SMYD3: variants seen among roughly 807,000 people sequenced by gnomAD.
The protein encoded by SMYD3 is histone-lysine N-methyltransferase SMYD3.
A neutral mutation model predicts 57.7 loss-of-function variants in SMYD3; 36 were observed. That is an observed-to-expected ratio of 0.62 (90% CI 0.48 to 0.82). SMYD3 has a LOEUF of 0.82. Among genes scored for constraint, SMYD3 ranks in the 40% least tolerant of loss-of-function variants. SMYD3 has a pLI of 0.00. For synonymous variants in SMYD3, 211 were observed against 195.0 expected (o/e 1.08, Z -0.68); for missense variants, 515 against 538.8 (o/e 0.96, Z 0.44).
At chr1:246,004,852 AT>A (rs902574963) in intron 5 of SMYD3, among the ~76,000 whole-genome samples, 47 of 150,512 alleles carry the variant, frequency 3.1e-4, no homozygotes, top group Middle Eastern at 6.8e-3. Flanking sequence ...AGGGATAATA[AT>A]TTTTTTTTTG....
intron 5 of SMYD3, among the ~76,000 whole-genome samples, chr1:246,039,263 G>T (rs1478484517): frequency 6.6e-6 from 1 of 152,128 alleles, no homozygotes; most frequent in Non-Finnish European, 1.5e-5. Flanking sequence ...CCAAAACAAA[G>T]TTATTCATAT....
chr1:246,348,935 G>T (rs993087901), intron 2 of SMYD3, among the ~76,000 whole-genome samples: 1 of 151,904 alleles, frequency 6.6e-6, no homozygotes, highest in African/African-American at 2.4e-5. Flanking sequence ...AGAGTGGAAT[G>T]AAATAAAGTA....
At chr1:246,163,637 C>T (rs1342488906) in intron 5 of SMYD3, among the ~76,000 whole-genome samples, 2 of 152,142 alleles carry the variant, frequency 1.3e-5, no homozygotes, top group South Asian at 2.1e-4. Context: ...GGTTTCTGTA[C>T]TCAATGTTTA....
At chr1:246,279,464 T>A (rs971308068) in intron 5 of SMYD3, among the ~76,000 whole-genome samples, 2 of 152,086 alleles carry the variant, frequency 1.3e-5, no homozygotes, top group Non-Finnish European at 2.9e-5. Context: ...GAGGTTGCAA[T>A]GAGCCAAGAT....
At chr1:246,169,804 T>C (rs117650572) in intron 5 of SMYD3, among the ~76,000 whole-genome samples, 9,600 of 151,094 alleles carry the variant, frequency 0.064, 619 homozygotes, top group Admixed American at 0.2. Flanking sequence ...CCCGAGAAGC[T>C]GAGGCAGGAG....
intron 5 of SMYD3, among the ~76,000 whole-genome samples, chr1:246,044,197 AG>A (rs2059924807): frequency 6.6e-6 from 1 of 152,188 alleles, no homozygotes; most frequent in African/African-American, 2.4e-5. Context: ...ATAAATTAAG[AG>A]GAGTTTCTGT....
chr1:246,250,198 C>G (rs1401789198), intron 5 of SMYD3, among the ~76,000 whole-genome samples: 1 of 152,230 alleles, frequency 6.6e-6, no homozygotes, highest in Non-Finnish European at 1.5e-5. Context: ...ACTATCTAAT[C>G]TATTCTCACC....
In SMYD3 at chr1:246,387,000, A is replaced by G. The variant is rs147871496; in HGVS notation, c.165-31906T>C. On this transcript the variant is annotated intron_variant, in intron 1 of 11. Coordinates refer to ENST00000490107, the MANE Select transcript of SMYD3 (RefSeq NM_001167740.2). ...ATTAATATCCTTTGGGGAACTACCTATGTTATATGACTCTCATGAAAAACG... is the reference window on the plus strand; with the variant it reads ...ATTAATATCCTTTGGGGAACTACCTGTGTTATATGACTCTCATGAAAAACG... Among the ~76,000 whole-genome samples the G allele has an allele frequency of 3.3e-3, 498 of 152,262 alleles. 2 individuals carry two copies. Among genetic ancestry groups the G allele is most frequent in the African/African-American group, 0.011 (461 of 41,550 alleles).
intron 5 of SMYD3, among the ~76,000 whole-genome samples, chr1:246,018,159 A>G (rs554582911): frequency 5.8e-4 from 88 of 152,346 alleles, no homozygotes; most frequent in African/African-American, 1.9e-3. Flanking sequence ...TGGAACACAC[A>G]GACACAAAGA....
chr1:246,298,233 A>G (rs61280834), intron 5 of SMYD3, among the ~76,000 whole-genome samples: 1 of 149,594 alleles, frequency 6.7e-6, no homozygotes, highest in East Asian at 1.9e-4. Flanking sequence ...AGGTAAAAAA[A>G]TAATAATAAT....
chr1:245,792,184 AAGCACTCTTCT>A (rs529010891), intron 10 of SMYD3, among the ~76,000 whole-genome samples: 26 of 152,302 alleles, frequency 1.7e-4, no homozygotes, highest in African/African-American at 6.3e-4. Context: ...ACAATCAGCC[AAGCACTCTTCT>A]AGATGCTGGG....
chr1:246,239,068 C>T (rs1046074317), intron 5 of SMYD3, among the ~76,000 whole-genome samples: 6 of 152,066 alleles, frequency 3.9e-5, no homozygotes, highest in African/African-American at 1.2e-4. Flanking sequence ...TCCAGCAGGA[C>T]AGTGTGTACT....
intron 11 of SMYD3, among the ~76,000 whole-genome samples, chr1:245,755,891 T>C (rs2148019530): frequency 6.6e-6 from 1 of 152,080 alleles, no homozygotes; most frequent in East Asian, 1.9e-4. Flanking sequence ...ATCTTTTACA[T>C]AGACTACTGA....
chr1:246,291,679 G>A (rs892797730), intron 5 of SMYD3, among the ~76,000 whole-genome samples: 1 of 152,168 alleles, frequency 6.6e-6, no homozygotes, highest in Non-Finnish European at 1.5e-5. Flanking sequence ...TACACATTAA[G>A]TATAAGCTTT....
chr1:245,793,131 A>C (rs559295517), intron 10 of SMYD3, among the ~76,000 whole-genome samples: 5 of 147,408 alleles, frequency 3.4e-5, no homozygotes, highest in East Asian at 4.0e-4. Context: ...AACACGGTGA[A>C]ACCCCGTCTC....
At chr1:246,307,758 G>A (rs902882699) in intron 5 of SMYD3, among the ~76,000 whole-genome samples, 32 of 152,272 alleles carry the variant, frequency 2.1e-4, no homozygotes, top group East Asian at 7.7e-4. Flanking sequence ...AGCAGCACGA[G>A]GAGGGCTCAC....
At chr1:246,031,409 T>C (rs536110991) in intron 5 of SMYD3, among the ~76,000 whole-genome samples, 3 of 152,096 alleles carry the variant, frequency 2.0e-5, no homozygotes, top group African/African-American at 7.2e-5. Flanking sequence ...AGAAATAACA[T>C]TGATCCCTGG....
chr1:246,373,155 A>G (rs2066218013), intron 1 of SMYD3, among the ~76,000 whole-genome samples: 1 of 152,198 alleles, frequency 6.6e-6, no homozygotes, highest in Non-Finnish European at 1.5e-5. Flanking sequence ...TTTTCTTTAA[A>G]TGATACGAAT....
At chr1:246,324,871 A>C (rs889237661) in intron 5 of SMYD3, among the ~76,000 whole-genome samples, 2 of 150,728 alleles carry the variant, frequency 1.3e-5, no homozygotes, top group Non-Finnish European at 2.9e-5. Flanking sequence ...GCTTGATGTG[A>C]CTTGCACCAT....
Sources: allele counts gnomAD v4.1 joint callset (sites outside exome capture counted in the v4.1 genomes callset), GRCh38; gene constraint gnomAD v4.1.1; transcripts MANE v1.5; gene names NCBI Gene and HGNC (gene_info 2026-07-23, HGNC 2026-07-21).